Variants in LRRC53 observed in about 807,000 individuals in gnomAD.
LRRC53 encodes leucine rich repeat containing 53, also known as leucine-rich repeat-containing protein 53.
Under a neutral mutation model 13.6 loss-of-function variants are expected in LRRC53, and 25 were observed. That is an observed-to-expected ratio of 1.83 (90% CI 1.34 to 2.56). The LOEUF (loss-of-function observed/expected upper bound fraction) is 2.56, where lower values mean the gene tolerates loss of function less well. Ranked by LOEUF, LRRC53 falls within the 30% of genes most tolerant of loss-of-function variation. The pLI is 0.00. For synonymous variants in LRRC53, 204 were observed against 109.8 expected, an observed-to-expected ratio of 1.86 and a Z score of -5.37; for missense variants, 527 against 275.8, an observed-to-expected ratio of 1.91 and a Z score of -6.45.
chr1:74,533,154 G>A, the LRRC53 span, among the ~76,000 whole-genome samples: 21 of 152,126 alleles, frequency 1.4e-4, no homozygotes, highest in African/African-American at 3.6e-4. Context: ...GAAAATTTTC[G>A]CAACCTACTC....
intron 1 of LRRC53, among the ~76,000 whole-genome samples, chr1:74,487,035 C>G (rs983251740): frequency 1.3e-5 from 2 of 151,948 alleles, no homozygotes; most frequent in African/African-American, 4.8e-5. Context: ...AATTAGAGAC[C>G]GCAAATTTGG....
At chr1:74,520,053 A>G in the LRRC53 span, among the ~76,000 whole-genome samples, 1 of 152,106 alleles carries the variant, frequency 6.6e-6, no homozygotes, top group African/African-American at 2.4e-5. Flanking sequence ...ATTTGGTTGC[A>G]TGAGTAAGTT....
intron 4 of LRRC53, among the ~76,000 whole-genome samples, chr1:74,474,711 G>T (rs548648289): frequency 2.6e-5 from 4 of 152,206 alleles, no homozygotes; most frequent in African/African-American, 9.6e-5. Flanking sequence ...ATGTACAGTG[G>T]GTAGATGTCA....
intron 1 of LRRC53, among the ~76,000 whole-genome samples, chr1:74,492,707 A>G (rs988199331): frequency 1.8e-4 from 27 of 152,320 alleles, no homozygotes; most frequent in Admixed American, 3.3e-4. Context: ...TTAAACAAAT[A>G]CTTGTATTCA....
At chr1:74,531,649 AG>A in the LRRC53 span, among the ~76,000 whole-genome samples, 1 of 152,294 alleles carries the variant, frequency 6.6e-6, no homozygotes, top group Admixed American at 6.5e-5. Flanking sequence ...CACCTTTATT[AG>A]GCATTTCAGC....
Position 74,483,301 on chromosome 1 carries a change from T to C in LRRC53, c.49A>G (p.Lys17Glu), listed in dbSNP as rs983051064. ...AGCTGGTGACAGAGGGTTACATCTTTGGTGCACACCACACATGACTCAGGG... is the reference window on the plus strand; with the variant it reads ...AGCTGGTGACAGAGGGTTACATCTTCGGTGCACACCACACATGACTCAGGG... ...ACPESCVVCT[K>E]DVTLCHQLTY... Residue 17 changes from lysine to glutamate, a missense_variant, in exon 2 of 5, where the codon AAA (lysine) becomes GAA (glutamate). Transcript: ENST00000294635. 7.0e-6 allele frequency: 5 copies of C among 717,444 alleles called. No homozygotes were observed. The highest frequency in any genetic ancestry group is 1.3e-5 in the Non-Finnish European group (5 of 385,008). 44.4% of individuals were successfully genotyped at this position (717,444 alleles called of 1,614,324 possible).
In LRRC53 at chr1:74,471,745, G is replaced by A. The variant is rs1424943071; in HGVS notation, c.1877C>T (p.Ser626Leu). 2.5e-6 allele frequency: 1 copy of A among 403,466 alleles called. No individual in the cohort carries two copies. Among genetic ancestry groups the A allele is most frequent in the African/African-American group, 2.1e-5 (1 of 48,696 alleles). 25.0% of individuals were successfully genotyped at this position (403,466 alleles called of 1,614,324 possible). The part of the protein sequence containing the change: ...SEDNIDLSGL[S>L]TKTKKAYSPK... ...GGAATATGCTTTCTTGGTTTTTGTT[G>A]ATAATCCTGATAAATCTATGTTGTC... Residue 626 changes from serine to leucine, a missense_variant, in exon 5 of 5, where the codon TCA (serine) becomes TTA (leucine). Physicochemically the swap from Ser to Leu is moderately radical, Grantham distance 145. Transcript: ENST00000294635.
intron 1 of LRRC53, among the ~76,000 whole-genome samples, chr1:74,485,053 T>C (rs1012001668): frequency 2.0e-5 from 3 of 152,184 alleles, no homozygotes. Flanking sequence ...ACCTGTCTGA[T>C]GGAATGTGCT....
At chr1:74,482,883 A>G (rs2100265483) in intron 2 of LRRC53, among the ~76,000 whole-genome samples, 1 of 152,306 alleles carries the variant, frequency 6.6e-6, no homozygotes, top group South Asian at 2.1e-4. Flanking sequence ...AATCTTACTA[A>G]TGCTGAACAA....
intron 1 of LRRC53, among the ~76,000 whole-genome samples, chr1:74,488,122 T>C (rs1462606121): frequency 2.0e-5 from 3 of 152,254 alleles, no homozygotes; most frequent in Admixed American, 1.3e-4. Flanking sequence ...TAAGCCAGTT[T>C]TTAAAATCCC....
intron 1 of LRRC53, among the ~76,000 whole-genome samples, chr1:74,500,025 T>C (rs889845785): frequency 6.6e-6 from 1 of 151,958 alleles, no homozygotes; most frequent in Non-Finnish European, 1.5e-5. Flanking sequence ...TTCTATTCTT[T>C]GGTGAGTACC....
chr1:74,509,320 A>G (rs553042351), intron 1 of LRRC53, among the ~76,000 whole-genome samples: 1 of 152,308 alleles, frequency 6.6e-6, no homozygotes, highest in African/African-American at 2.4e-5. Context: ...AATCAGGAAA[A>G]TGACATTTGA....
rs202238194 is a variant in LRRC53, at chr1:74,492,217, G to A, written c.-26-8842C>T. 10 of 1,612,622 alleles carry A rather than the reference G, an allele frequency of 6.2e-6. No homozygotes were observed. The highest frequency in any genetic ancestry group is 7.6e-6 in the Non-Finnish European group (9 of 1,178,992). Reference sequence around the variant, plus strand: ...TGTGGCAGCATTAAGAAGTCGTTTCGAATTGGAATATGCTCTAAATGCAAG... The same window carrying A: ...TGTGGCAGCATTAAGAAGTCGTTTCAAATTGGAATATGCTCTAAATGCAAG... On this transcript the variant is annotated intron_variant, in intron 1 of 4. Coordinates refer to ENST00000294635, the MANE Select transcript of LRRC53 (RefSeq NM_001382280.1).
At chr1:74,535,428 T>C in the LRRC53 span, among the ~76,000 whole-genome samples, 142,860 of 152,206 alleles carry the variant, frequency 0.94, 67,166 homozygotes, top group Middle Eastern at 0.97. Context: ...CGAGATTGCA[T>C]CACTGCAATC....
the LRRC53 span, among the ~76,000 whole-genome samples, chr1:74,535,796 C>T: frequency 0.34 from 51,149 of 152,056 alleles, 10,206 homozygotes; most frequent in East Asian, 0.65. Context: ...TGTCAGTTGT[C>T]GATATTCAGT....
At chr1:74,503,082 C>T (rs1215719560) in intron 1 of LRRC53, among the ~76,000 whole-genome samples, 1 of 152,124 alleles carries the variant, frequency 6.6e-6, no homozygotes, top group Admixed American at 6.5e-5. Context: ...CCTCATTAAA[C>T]GTACTCTCCA....
intron 1 of LRRC53, among the ~76,000 whole-genome samples, chr1:74,508,028 A>C (rs766503916): frequency 6.6e-6 from 1 of 152,198 alleles, no homozygotes; most frequent in African/African-American, 2.4e-5. Context: ...ATGTATTATA[A>C]TGCAATGTGA....
the LRRC53 span, among the ~76,000 whole-genome samples, chr1:74,524,437 T>G: frequency 8.8e-4 from 134 of 152,110 alleles, no homozygotes; most frequent in African/African-American, 3.1e-3. Flanking sequence ...ACAGCTAGAG[T>G]ATGTAGGGCC....
chr1:74,519,332 G>A, the LRRC53 span, among the ~76,000 whole-genome samples: 17 of 104,398 alleles, frequency 1.6e-4, no homozygotes, highest in Admixed American at 4.2e-4. Flanking sequence ...GAATAGTGCC[G>A]CAATAAACAT....
Sources: allele counts gnomAD v4.1 joint callset (sites outside exome capture counted in the v4.1 genomes callset), GRCh38; gene constraint gnomAD v4.1.1; transcripts MANE v1.5; gene names NCBI Gene and HGNC (gene_info 2026-07-23, HGNC 2026-07-21).